The following RNF13 variants were observed in gnomAD, a reference collection of about 807,000 sequenced individuals.
The protein encoded by RNF13 is E3 ubiquitin-protein ligase RNF13.
A neutral mutation model predicts 37.7 loss-of-function variants in RNF13; 19 were observed. That is an observed-to-expected ratio of 0.50 (90% CI 0.35 to 0.74). RNF13 has a LOEUF of 0.74. RNF13 is among the 30% of genes least tolerant of loss of function. The pLI is 0.01. For synonymous variants in RNF13, 144 were observed against 157.8 expected (o/e 0.91, Z 0.65); for missense variants, 375 against 453.0 (o/e 0.83, Z 1.56).
chr3:149,822,238 A>AT (rs1222963329), intron 1 of RNF13, among the ~76,000 whole-genome samples: 1 of 152,096 alleles, frequency 6.6e-6, no homozygotes, highest in East Asian at 1.9e-4. Context: ...TTTGGGTAGT[A>AT]TTGCCATCTT....
intron 4 of RNF13, among the ~76,000 whole-genome samples, chr3:149,887,548 T>C (rs1489058034): frequency 6.6e-6 from 1 of 152,138 alleles, no homozygotes; most frequent in African/African-American, 2.4e-5. Flanking sequence ...AATCCTACTG[T>C]CTCAGCCTCC....
chr3:149,858,856 G>A (rs1723927151), intron 3 of RNF13, among the ~76,000 whole-genome samples: 1 of 152,136 alleles, frequency 6.6e-6, no homozygotes, highest in South Asian at 2.1e-4. Flanking sequence ...TTCTTTGAAA[G>A]TTAATTTACC....
intron 5 of RNF13, among the ~76,000 whole-genome samples, chr3:149,898,885 T>G (rs965743609): frequency 6.6e-6 from 1 of 152,164 alleles, no homozygotes; most frequent in Non-Finnish European, 1.5e-5. Context: ...CAGAGAAAGC[T>G]TCTGTGAGGC....
intron 8 of RNF13, among the ~76,000 whole-genome samples, chr3:149,952,044 AACTC>A (rs1329975387): frequency 2.0e-5 from 3 of 152,062 alleles, no homozygotes; most frequent in Non-Finnish European, 2.9e-5. Context: ...TCTCCTCTTC[AACTC>A]ACTATGTCAA....
At chr3:149,950,763 ACCACACTTGG>A (rs1721248284) in intron 8 of RNF13, among the ~76,000 whole-genome samples, 1 of 152,012 alleles carries the variant, frequency 6.6e-6, no homozygotes, top group Non-Finnish European at 1.5e-5. Context: ...GATGTGAGCC[ACCACACTTGG>A]CCTGTCTCAG....
At chr3:149,895,381 A>G (rs1715135738) in intron 4 of RNF13, 92 bp from the exon 5 acceptor site, 1 of 740,854 alleles carries the variant, frequency 1.3e-6, no homozygotes. Flanking sequence ...CTCATCTTTT[A>G]TTTACTTCAG....
chr3:149,861,640 GA>G (rs1346407774), intron 3 of RNF13, among the ~76,000 whole-genome samples: 7 of 152,122 alleles, frequency 4.6e-5, no homozygotes, highest in Non-Finnish European at 8.8e-5. Flanking sequence ...ATGTGGTTGA[GA>G]GGGGGAGATG....
At chr3:149,892,386 A>T (rs1714801864) in intron 4 of RNF13, among the ~76,000 whole-genome samples, 1 of 152,216 alleles carries the variant, frequency 6.6e-6, no homozygotes, top group Admixed American at 6.5e-5. Context: ...ATGATTCTTA[A>T]TAATTTGAGA....
intron 8 of RNF13, among the ~76,000 whole-genome samples, chr3:149,951,401 G>A (rs1721318810): frequency 6.6e-6 from 1 of 152,200 alleles, no homozygotes; most frequent in South Asian, 2.1e-4. Context: ...GCATTCATGA[G>A]TTATTTGAAA....
intron 4 of RNF13, among the ~76,000 whole-genome samples, chr3:149,875,386 C>T (rs537521312): frequency 6.6e-6 from 1 of 152,232 alleles, no homozygotes; most frequent in East Asian, 1.9e-4. Flanking sequence ...AGGATTTTTA[C>T]AACTCTTTTA....
chr3:149,849,293 T>G (rs1722927524), intron 2 of RNF13, among the ~76,000 whole-genome samples: 1 of 152,170 alleles, frequency 6.6e-6, no homozygotes, highest in Admixed American at 6.5e-5. Context: ...AAACAACCCA[T>G]GTAGCTTGAT....
chr3:149,859,188 G>C (rs1176139718), intron 3 of RNF13, among the ~76,000 whole-genome samples: 1 of 152,132 alleles, frequency 6.6e-6, no homozygotes, highest in Non-Finnish European at 1.5e-5. Context: ...ACAAAGGTCA[G>C]AGTTCCTTTT....
At chr3:149,954,931 A>G (rs1271983283) in intron 8 of RNF13, among the ~76,000 whole-genome samples, 3 of 152,178 alleles carry the variant, frequency 2.0e-5, no homozygotes, top group African/African-American at 7.2e-5. Context: ...AAGTCTAACC[A>G]TAAGAACTAG....
intron 5 of RNF13, among the ~76,000 whole-genome samples, chr3:149,898,518 G>A (rs988031309): frequency 2.0e-5 from 3 of 152,042 alleles, no homozygotes; most frequent in Non-Finnish European, 4.4e-5. Flanking sequence ...CCTAGTAGCT[G>A]TATGACCTTG....
chr3:149,887,349 C>T (rs190184922), intron 4 of RNF13, among the ~76,000 whole-genome samples: 3 of 152,290 alleles, frequency 2.0e-5, no homozygotes, highest in South Asian at 2.1e-4. Flanking sequence ...TAGACCAAAC[C>T]GATACCTATA....
intron 3 of RNF13, among the ~76,000 whole-genome samples, chr3:149,869,003 C>T (rs914090258): frequency 6.6e-6 from 1 of 151,642 alleles, no homozygotes; most frequent in Non-Finnish European, 1.5e-5. Context: ...AGGTAATTTT[C>T]TTTATCTTGT....
At chr3:149,876,533 G>C (rs915889629) in intron 4 of RNF13, among the ~76,000 whole-genome samples, 7 of 151,946 alleles carry the variant, frequency 4.6e-5, no homozygotes, top group African/African-American at 1.5e-4. Context: ...CCTGACTTCT[G>C]CCTCTCTCTC....
intron 1 of RNF13, among the ~76,000 whole-genome samples, chr3:149,843,555 A>C (rs1309697103): frequency 6.6e-6 from 1 of 152,210 alleles, no homozygotes; most frequent in African/African-American, 2.4e-5. Context: ...CATGTCATTG[A>C]ATACACACAA....
At chr3:149,949,860 G>A (rs1203522395) in intron 8 of RNF13, among the ~76,000 whole-genome samples, 4 of 151,540 alleles carry the variant, frequency 2.6e-5, no homozygotes, top group Admixed American at 2.6e-4. Context: ...GAAATCCCTA[G>A]TCATTATAAC....
Sources: allele counts gnomAD v4.1 joint callset (sites outside exome capture counted in the v4.1 genomes callset), GRCh38; gene constraint gnomAD v4.1.1; transcripts MANE v1.5; gene names NCBI Gene and HGNC (gene_info 2026-07-23, HGNC 2026-07-21).